The following MAP3K1 variants were observed in gnomAD, a reference collection of about 807,000 sequenced individuals.
The protein encoded by MAP3K1 is MAP/ERK kinase kinase 1.
A neutral mutation model predicts 144.2 loss-of-function variants in MAP3K1; 36 were observed. The observed-to-expected ratio is 0.25, with a 90% CI of 0.19 to 0.33. MAP3K1 has a LOEUF of 0.33. Among genes scored for constraint, MAP3K1 ranks in the 10% least tolerant of loss-of-function variants. The pLI, the probability that MAP3K1 is intolerant of heterozygous loss-of-function variation, is 1.00. For missense variants in MAP3K1, 1,650 were observed against 1,881.9 expected (o/e 0.88, Z 2.28); for synonymous variants, 718 against 688.7 (o/e 1.04, Z -0.67).
At chr5:56,828,910 C>T (rs1003705660) in intron 1 of MAP3K1, among the ~76,000 whole-genome samples, 1 of 151,878 alleles carries the variant, frequency 6.6e-6, no homozygotes, top group Non-Finnish European at 1.5e-5. Context: ...AAATGCATCG[C>T]TTGGTAACAA....
intron 1 of MAP3K1, chr5:56,820,766 G>A (rs1053440646): frequency 1.0e-6 from 1 of 985,338 alleles, no homozygotes; most frequent in Non-Finnish European, 1.2e-6. Context: ...GCAAGGTGGT[G>A]GTCTTGAGTG....
Position 56,881,784 on chromosome 5 carries a change from G to T in MAP3K1, c.2584G>T (p.Glu862Ter). 6.2e-7 allele frequency: 1 copy of T among 1,614,118 alleles called. No individual in the cohort carries two copies. The highest frequency in any genetic ancestry group is 8.5e-7 in the Non-Finnish European group (1 of 1,180,028). ...MRRRLMAIAD[E>*]VEIAEAIQLG... ...TCGCCGTTTGATGGCTATTGCAGAT[G>T]AGGTGGAAATTGCCGAAGCCATCCA... is the stretch of plus-strand genomic sequence containing the variant. The change falls in exon 14 of 20, where the codon GAG (glutamate) becomes TAG (stop). Residue 862 changes from glutamate to a stop codon, truncating the protein, a stop_gained. Coordinates refer to ENST00000399503, the MANE Select transcript of MAP3K1 (RefSeq NM_005921.2). LOFTEE classifies it high-confidence loss of function.
intron 1 of MAP3K1, among the ~76,000 whole-genome samples, chr5:56,852,253 A>G (rs1320000607): frequency 6.6e-6 from 1 of 152,224 alleles, no homozygotes. Context: ...CAGGAGAAAA[A>G]GACCTCATAG....
chr5:56,845,555 G>C (rs868643662), intron 1 of MAP3K1, among the ~76,000 whole-genome samples: 5 of 152,276 alleles, frequency 3.3e-5, no homozygotes, highest in Middle Eastern at 3.4e-3. Flanking sequence ...TGCATCAGTT[G>C]TCTTGTAGAC....
rs369894303 is a variant in MAP3K1 at position 56,895,366 on chromosome 5, GTTTT to G, written c.*1698_*1701del. On this transcript the variant is annotated 3_prime_UTR_variant, in exon 20 of 20. Coordinates refer to ENST00000399503, the MANE Select transcript of MAP3K1 (RefSeq NM_005921.2). ...TGTACTTGACTTTCTTTTTTATTTT[GTTTT>G]TTTTTTTTTTTGACTACTTAGAATT... The G allele has an allele frequency of 1.3e-4, 11 of 87,350 alleles. No individual in the cohort carries two copies. Among genetic ancestry groups the G allele is most frequent in the South Asian group, 3.3e-4 (1 of 3,040 alleles). The allele number at this position is 87,350 out of a possible 1,614,324, so 5.4% of individuals were successfully genotyped here. A position where few individuals can be genotyped will look rare whatever the true frequency, so the allele number is the denominator to read the frequency against.
In MAP3K1 at chr5:56,829,191, C is replaced by G; in HGVS notation, c.482+13136C>G. 1.4e-5 allele frequency among the ~76,000 whole-genome samples: 2 copies of G among 143,060 alleles called. 1 individual carries two copies. The highest frequency in any genetic ancestry group is 4.4e-4 in the South Asian group (2 of 4,536). The allele number at this position is 143,060 out of a possible 152,430, so 93.9% of individuals were successfully genotyped here. On this transcript the variant is annotated intron_variant, in intron 1 of 19. Transcript: ENST00000399503. ...TTTTTCTTCTTTTTTTTTTTTTCCT[C>G]TTTTTTCTGAGACAGGGTCTCACTC... is the stretch of plus-strand genomic sequence containing the variant.
intron 1 of MAP3K1, among the ~76,000 whole-genome samples, chr5:56,843,184 TCACC>T (rs1160029651): frequency 6.6e-6 from 1 of 152,178 alleles, no homozygotes; most frequent in African/African-American, 2.4e-5. Flanking sequence ...AACAGTCTCT[TCACC>T]CCCCACCCAC....
At chr5:56,828,194 CCT>C (rs1746378794) in intron 1 of MAP3K1, among the ~76,000 whole-genome samples, 1 of 152,046 alleles carries the variant, frequency 6.6e-6, no homozygotes, top group Admixed American at 6.6e-5. Context: ...TACATTTTCC[CCT>C]GTTATTTTGA....
Position 56,882,961 on chromosome 5 carries a change from G to A in MAP3K1, c.3666+95G>A, listed in dbSNP as rs1023702743. The A allele has an allele frequency of 1.6e-4, 160 of 978,494 alleles. 2 individuals are homozygous for A. The African/African-American group carries it at 2.0e-3, about 12-fold the overall frequency. The allele number at this position is 978,494 out of a possible 1,614,324, so 60.6% of individuals were successfully genotyped here. ...TCCAGCACTTGGGGAGGCTGAGGCC[G>A]AAGGATTGCTTGAGCACAGGAGTTC... On this transcript the variant is annotated intron_variant, in intron 14 of 19. Transcript: ENST00000399503.
chr5:56,838,220 G>A (rs1295096716), intron 1 of MAP3K1, among the ~76,000 whole-genome samples: 6 of 123,772 alleles, frequency 4.8e-5, no homozygotes, highest in African/African-American at 1.8e-4. Context: ...GAGCTGTCTT[G>A]TTTTAAAATG....
intron 1 of MAP3K1, among the ~76,000 whole-genome samples, chr5:56,822,947 CT>C (rs2111753231): frequency 6.6e-6 from 1 of 152,286 alleles, no homozygotes; most frequent in South Asian, 2.1e-4. Flanking sequence ...TATCACACCC[CT>C]AGCCAGGTGC....
At chr5:56,817,041 A>C (rs535948941) in intron 1 of MAP3K1, 2 of 985,306 alleles carry the variant, frequency 2.0e-6, no homozygotes, top group Non-Finnish European at 2.4e-6. Flanking sequence ...CCGCCCGCTG[A>C]ATTCCAGGGG....
At chr5:56,839,907 ATTAAT>A (rs1213409369) in intron 1 of MAP3K1, among the ~76,000 whole-genome samples, 1 of 116,658 alleles carries the variant, frequency 8.6e-6, no homozygotes, top group Non-Finnish European at 1.9e-5. Context: ...TAATCATCTT[ATTAAT>A]GTTTCTTAAA....
chr5:56,824,658 A>G (rs1241803852), intron 1 of MAP3K1, among the ~76,000 whole-genome samples: 2 of 152,250 alleles, frequency 1.3e-5, no homozygotes, highest in Non-Finnish European at 2.9e-5. Flanking sequence ...AAGGAAAATT[A>G]CTATCCAAGA....
intron 9 of MAP3K1, among the ~76,000 whole-genome samples, chr5:56,874,109 C>CACT (rs1376136953): frequency 6.6e-6 from 1 of 152,154 alleles, no homozygotes; most frequent in Non-Finnish European, 1.5e-5. Flanking sequence ...GGTAGTGGTA[C>CACT]ACTACTTAAC....
chr5:56,889,660 C>A (rs1408232211), intron 19 of MAP3K1, among the ~76,000 whole-genome samples: 2 of 152,112 alleles, frequency 1.3e-5, no homozygotes, highest in Non-Finnish European at 2.9e-5. Flanking sequence ...TAGTTTTAAA[C>A]CCTGGCTCTA....
chr5:56,861,962 A>G (rs1466356430), intron 3 of MAP3K1: 3 of 152,198 alleles, frequency 2.0e-5, no homozygotes, highest in Non-Finnish European at 2.9e-5. Flanking sequence ...AAGCAAAAAC[A>G]TTTTACAGTA....
Position 56,817,021 on chromosome 5 carries a change from C to G in MAP3K1, c.482+966C>G, listed in dbSNP as rs894909396. ...GGTGCAGTGCTTCCTGCTCGGTGCC[C>G]TGGCGCGGGCCGCCCGCTGAATTCC... On this transcript the variant is annotated intron_variant, in intron 1 of 19. Transcript: ENST00000399503. The G allele has an allele frequency of 6.1e-6, 6 of 982,606 alleles. No homozygotes were observed. In the African/African-American group the frequency reaches 1.0e-4, roughly 17 times the overall value. 60.9% of individuals were successfully genotyped at this position (982,606 alleles called of 1,614,324 possible).
At chr5:56,887,948 T>C (rs1748435746) in intron 18 of MAP3K1, 2 of 498,460 alleles carry the variant, frequency 4.0e-6, no homozygotes, top group Non-Finnish European at 3.6e-6. Flanking sequence ...TTCATGTTCA[T>C]ATGTAGTAAT....
Sources: gnomAD v4.1 joint callset for allele counts (sites outside exome capture counted in the v4.1 genomes callset) on GRCh38, gnomAD v4.1.1 for gene constraint, MANE v1.5 for transcripts, NCBI Gene and HGNC (gene_info 2026-07-23, HGNC 2026-07-21) for gene names.